The following SYT1 variants were observed in gnomAD, a reference collection of about 807,000 sequenced individuals.
SYT1 encodes the protein synaptotagmin 1, also known as synaptotagmin-1.
SYT1 carries 8 observed loss-of-function variants against 44.8 expected under a neutral mutation model. That is an observed-to-expected ratio of 0.18 (90% CI 0.10 to 0.32). SYT1 has a LOEUF of 0.32. Among genes scored for constraint, SYT1 ranks in the 10% least tolerant of loss-of-function variants. The pLI, the probability that SYT1 is intolerant of heterozygous loss-of-function variation, is 1.00. For missense variants in SYT1, 286 were observed against 509.3 expected, an observed-to-expected ratio of 0.56 and a Z score of 4.22; for synonymous variants, 154 against 188.8, an observed-to-expected ratio of 0.82 and a Z score of 1.51.
At chr12:78,888,889 T>C (rs1874891690) in intron 1 of SYT1, among the ~76,000 whole-genome samples, 1 of 151,928 alleles carries the variant, frequency 6.6e-6, no homozygotes, top group Non-Finnish European at 1.5e-5. Flanking sequence ...CATTTACAGA[T>C]TTACTACCTG....
chr12:78,940,398 G>A (rs1224538418), intron 1 of SYT1, among the ~76,000 whole-genome samples: 3 of 151,970 alleles, frequency 2.0e-5, no homozygotes, highest in African/African-American at 7.2e-5. Context: ...ATTTCTTTAA[G>A]TAATTTTAAA....
At chr12:79,003,279 T>C (rs958257854) in intron 2 of SYT1, among the ~76,000 whole-genome samples, 1 of 151,980 alleles carries the variant, frequency 6.6e-6, no homozygotes, top group African/African-American at 2.4e-5. Flanking sequence ...CCCTTGGAAA[T>C]TACTTGTCTA....
intron 3 of SYT1, among the ~76,000 whole-genome samples, chr12:79,079,895 A>G (rs1411684073): frequency 3.3e-5 from 5 of 152,092 alleles, no homozygotes; most frequent in Admixed American, 2.0e-4. Flanking sequence ...ACTCAAGGAT[A>G]ATACTTTAAA....
intron 2 of SYT1, chr12:79,045,741 A>C (rs2137758203): frequency 6.6e-6 from 1 of 152,308 alleles, no homozygotes; most frequent in African/African-American, 2.4e-5. Flanking sequence ...CAAAACCAAA[A>C]TGAAATCAAA....
In SYT1 at chr12:78,931,232, AAAGAAAGAAGGAAGG is replaced by A. The variant is rs1565723420; in HGVS notation, c.-216-46563_-216-46549del. On this transcript the variant is annotated intron_variant, in intron 1 of 10. Transcript: ENST00000261205. ...GAAAGAAAGAAAGAAAGAAAGAAAG[AAAGAAAGAAGGAAGG>A]AAGGAAGGAAGGAAGGAAGGAAGGA... is the stretch of plus-strand genomic sequence containing the variant. Among the ~76,000 whole-genome samples the A allele has an allele frequency of 1.1e-3, 69 of 63,206 alleles. 2 individuals carry two copies. The highest frequency in any genetic ancestry group is 6.5e-3 in the Middle Eastern group (1 of 154). 41.5% of individuals were successfully genotyped at this position (63,206 alleles called of 152,430 possible).
chr12:79,323,507 G>T (rs1480783961), intron 8 of SYT1, among the ~76,000 whole-genome samples: 1 of 152,150 alleles, frequency 6.6e-6, no homozygotes, highest in East Asian at 1.9e-4. Flanking sequence ...TTATTTTAAT[G>T]AAGTTTACTT....
intron 3 of SYT1, among the ~76,000 whole-genome samples, chr12:79,100,169 A>G (rs137967901): frequency 6.6e-6 from 1 of 152,214 alleles, no homozygotes; most frequent in African/African-American, 2.4e-5. Context: ...GAGTTCGTTA[A>G]TATTATTTTG....
intron 1 of SYT1, among the ~76,000 whole-genome samples, chr12:78,928,464 G>A (rs948751853): frequency 6.6e-6 from 1 of 152,070 alleles, no homozygotes; most frequent in African/African-American, 2.4e-5. Flanking sequence ...CTCAACCTCA[G>A]CATACTTTTT....
chr12:79,036,419 T>G (rs1873137517), intron 2 of SYT1: 9 of 151,844 alleles, frequency 5.9e-5, no homozygotes, highest in Admixed American at 5.9e-4. Context: ...TCAGCTCCTT[T>G]TCCTCTACAA....
At chr12:79,338,936 G>C (rs577735625) in intron 8 of SYT1, among the ~76,000 whole-genome samples, 3 of 151,854 alleles carry the variant, frequency 2.0e-5, no homozygotes, top group Non-Finnish European at 2.9e-5. Flanking sequence ...TTCTGTCCTT[G>C]TGATAGTTTG....
At chr12:78,918,104 A>C (rs753898503) in intron 1 of SYT1, among the ~76,000 whole-genome samples, 37 of 152,204 alleles carry the variant, frequency 2.4e-4, no homozygotes, top group Admixed American at 5.9e-4. Context: ...ATCTGCTAGC[A>C]AGTTAAAGAA....
intron 4 of SYT1, among the ~76,000 whole-genome samples, chr12:79,280,986 A>AAC (rs1879022163): frequency 1.1e-5 from 1 of 92,950 alleles, no homozygotes; most frequent in African/African-American, 2.9e-5. Context: ...AATAAAAAGT[A>AAC]AAAAAAAAAA....
chr12:79,022,186 A>G (rs1466881795), intron 2 of SYT1, among the ~76,000 whole-genome samples: 2 of 151,774 alleles, frequency 1.3e-5, no homozygotes, highest in African/African-American at 4.8e-5. Context: ...TTTATTAGGT[A>G]ATTATCTGTG....
intron 1 of SYT1, among the ~76,000 whole-genome samples, chr12:78,913,605 C>T (rs552404283): frequency 1.3e-5 from 2 of 151,902 alleles, no homozygotes; most frequent in Admixed American, 1.3e-4. Flanking sequence ...TCATTCTTTA[C>T]TCTGAATAAG....
At chr12:78,900,369 T>G (rs187959909) in intron 1 of SYT1, among the ~76,000 whole-genome samples, 12 of 152,078 alleles carry the variant, frequency 7.9e-5, no homozygotes, top group Admixed American at 3.3e-4. Flanking sequence ...ACATTATAAC[T>G]ATGGTGAAAT....
At chr12:79,173,970 G>A (rs1257356126) in intron 3 of SYT1, among the ~76,000 whole-genome samples, 2 of 151,974 alleles carry the variant, frequency 1.3e-5, no homozygotes, top group Admixed American at 6.6e-5. Flanking sequence ...TCTGTTGCTG[G>A]ACAAATGAAA....
chr12:79,012,176 T>C (rs1186286757), intron 2 of SYT1, among the ~76,000 whole-genome samples: 1 of 151,388 alleles, frequency 6.6e-6, no homozygotes, highest in Non-Finnish European at 1.5e-5. Context: ...TGGTGTATTA[T>C]ATCTGCATAC....
rs71091653 is a variant in SYT1, at chr12:79,215,918, CTTTTTTTTT to C, written c.-17-1563_-17-1555del. The stretch of plus-strand genomic sequence containing the variant: ...ACTCACAAATCGTTTGCATTTCTTT[CTTTTTTTTT>C]TTTTTTTTTTTTTTTTTTTTTGAGA... On this transcript the variant is annotated intron_variant, in intron 3 of 10. Transcript: ENST00000261205. Among the ~76,000 whole-genome samples the C allele has an allele frequency of 5.2e-5, 4 of 76,726 alleles. No individual in the cohort carries two copies. In the Admixed American group the frequency reaches 8.5e-4, roughly 16 times the overall value. 50.3% of individuals were successfully genotyped at this position (76,726 alleles called of 152,430 possible).
chr12:78,983,143 C>A (rs1024790390), intron 2 of SYT1, among the ~76,000 whole-genome samples: 3 of 151,558 alleles, frequency 2.0e-5, no homozygotes, highest in African/African-American at 7.3e-5. Context: ...TTGATTCTTA[C>A]TGTTTTCAAC....
Sources: gnomAD v4.1 joint callset for allele counts (sites outside exome capture counted in the v4.1 genomes callset) on GRCh38, gnomAD v4.1.1 for gene constraint, MANE v1.5 for transcripts, NCBI Gene and HGNC (gene_info 2026-07-23, HGNC 2026-07-21) for gene names.